The following ARHGEF3 variants were observed in gnomAD, a reference collection of about 807,000 sequenced individuals.
The protein encoded by ARHGEF3 is 59.8 kDA protein.
A neutral mutation model predicts 63.2 loss-of-function variants in ARHGEF3; 28 were observed. The ratio of observed to expected loss-of-function variants is 0.44; its 90% confidence interval spans 0.33 to 0.61. The LOEUF (loss-of-function observed/expected upper bound fraction) is 0.61, where lower values mean the gene tolerates loss of function less well. Among genes scored for constraint, ARHGEF3 ranks in the 20% least tolerant of loss-of-function variants. ARHGEF3 has a pLI of 0.03. For synonymous variants in ARHGEF3, 266 were observed against 254.2 expected (o/e 1.05, Z -0.44); for missense variants, 533 against 659.3 (o/e 0.81, Z 2.10).
At chr3:56,794,285 C>G (rs75103024) in intron 1 of ARHGEF3, among the ~76,000 whole-genome samples, 1 of 151,834 alleles carries the variant, frequency 6.6e-6, no homozygotes, top group Non-Finnish European at 1.5e-5. Flanking sequence ...GTCAGGAGTT[C>G]GAGACCAGCC....
At chr3:56,977,149 T>C (rs2106881367) in intron 2 of ARHGEF3, 1 of 434,424 alleles carries the variant, frequency 2.3e-6, no homozygotes, top group South Asian at 1.7e-5. Context: ...GGCCAGACAG[T>C]CCAATTCCAG....
chr3:57,042,435 G>A (rs1704224483), intron 1 of ARHGEF3, among the ~76,000 whole-genome samples: 1 of 151,714 alleles, frequency 6.6e-6, no homozygotes, highest in Non-Finnish European at 1.5e-5. Flanking sequence ...GCTATATGAA[G>A]CAGTGGTGGA....
chr3:56,788,326 A>G (rs2036923812), intron 1 of ARHGEF3, among the ~76,000 whole-genome samples: 1 of 152,182 alleles, frequency 6.6e-6, no homozygotes, highest in African/African-American at 2.4e-5. Context: ...CGTGGTTGAC[A>G]GTCACTACCC....
rs183945853 is a variant in ARHGEF3 at position 57,071,279 on chromosome 3, C to T, written c.-28+7947G>A. Among the ~76,000 whole-genome samples the T allele has an allele frequency of 3.1e-3, 467 of 152,242 alleles. 1 individual carries two copies. Among genetic ancestry groups the T allele is most frequent in the Non-Finnish European group, 4.6e-3 (310 of 68,020 alleles). ...TCCATATGCAAAAAATGAAGCTAGA[C>T]CCCTACCTCACACCACATACAAACA... On this transcript the variant is annotated intron_variant, in intron 1 of 12. Coordinates refer to the ARHGEF3 transcript ENST00000338458.
At chr3:56,891,137 A>G (rs1446077617) in intron 3 of ARHGEF3, among the ~76,000 whole-genome samples, 1 of 151,684 alleles carries the variant, frequency 6.6e-6, no homozygotes, top group Non-Finnish European at 1.5e-5. Flanking sequence ...CCAGAAGTGA[A>G]TGAGAGAATT....
chr3:56,894,618 T>C (rs1413155761), intron 3 of ARHGEF3, among the ~76,000 whole-genome samples: 2 of 152,076 alleles, frequency 1.3e-5, no homozygotes, highest in African/African-American at 2.4e-5. Flanking sequence ...GGCAAGACCC[T>C]ATCTCTTTCT....
intron 3 of ARHGEF3, among the ~76,000 whole-genome samples, chr3:56,922,592 G>T (rs2042172897): frequency 1.3e-5 from 2 of 152,142 alleles, no homozygotes; most frequent in Non-Finnish European, 2.9e-5. Flanking sequence ...GAATTTCCAA[G>T]TTAAAAATAT....
intron 3 of ARHGEF3, among the ~76,000 whole-genome samples, chr3:56,901,965 A>G (rs542650951): frequency 2.6e-4 from 40 of 152,274 alleles, no homozygotes; most frequent in Admixed American, 2.6e-4. Flanking sequence ...ATTTTCTCCA[A>G]AAGGCACATC....
intron 2 of ARHGEF3, among the ~76,000 whole-genome samples, chr3:56,967,950 T>TTA: frequency 1.8e-5 from 1 of 54,552 alleles, no homozygotes; most frequent in Non-Finnish European, 3.1e-5. Context: ...TATTATATAT[T>TTA]ATATATATAA....
chr3:56,995,668 A>AGAGAGAGAGAGAGAGG (rs1560116656), intron 2 of ARHGEF3, among the ~76,000 whole-genome samples: 10 of 133,080 alleles, frequency 7.5e-5, no homozygotes, highest in Non-Finnish European at 1.3e-4. Flanking sequence ...AGAGAGAGAG[A>AGAGAGAGAGAGAGAGG]GAGAATTTTT....
At chr3:56,774,928 A>AC (rs34038168) in intron 1 of ARHGEF3, 546,038 of 1,210,490 alleles carry the variant, frequency 0.45, 128,183 homozygotes, top group East Asian at 0.63. Context: ...AACAACAACA[A>AC]AAAAAAAACA....
At chr3:57,049,342 CT>C (rs952569040) in intron 1 of ARHGEF3, among the ~76,000 whole-genome samples, 3 of 152,122 alleles carry the variant, frequency 2.0e-5, no homozygotes, top group Non-Finnish European at 2.9e-5. Context: ...GCACTCCAGC[CT>C]GGGCGACAGA....
chr3:56,859,257 C>T (rs1400971465), intron 4 of ARHGEF3, among the ~76,000 whole-genome samples: 1 of 152,026 alleles, frequency 6.6e-6, no homozygotes, highest in Non-Finnish European at 1.5e-5. Flanking sequence ...CCTGCCTCAG[C>T]CTCCCGAGTA....
intron 2 of ARHGEF3, among the ~76,000 whole-genome samples, chr3:56,995,377 T>C (rs1195781679): frequency 1.3e-5 from 2 of 152,062 alleles, no homozygotes; most frequent in Non-Finnish European, 1.5e-5. Context: ...AAGAGTAATG[T>C]GAAATGCTAA....
intron 2 of ARHGEF3, among the ~76,000 whole-genome samples, chr3:57,003,936 G>C (rs1175045257): frequency 1.3e-5 from 2 of 152,228 alleles, no homozygotes; most frequent in African/African-American, 4.8e-5. Flanking sequence ...CTGATCTCCA[G>C]AACTGTAAAA....
At chr3:56,824,284 T>C (rs1037157842) in intron 4 of ARHGEF3, among the ~76,000 whole-genome samples, 9 of 152,174 alleles carry the variant, frequency 5.9e-5, no homozygotes, top group African/African-American at 9.7e-5. Flanking sequence ...GGAGATTTTG[T>C]TGTGGTGGTA....
At chr3:56,925,320 G>C (rs370204975) in intron 3 of ARHGEF3, among the ~76,000 whole-genome samples, 1 of 152,182 alleles carries the variant, frequency 6.6e-6, no homozygotes, top group Non-Finnish European at 1.5e-5. Flanking sequence ...CTGTTTCCCT[G>C]GTCCTTCCGA....
intron 3 of ARHGEF3, chr3:56,941,016 C>T (rs563410588): frequency 6.6e-6 from 1 of 152,368 alleles, no homozygotes; most frequent in African/African-American, 2.4e-5. Context: ...CAAACTCAGA[C>T]TCTGGGCTGA....
chr3:56,885,351 G>A (rs536940205), intron 3 of ARHGEF3, among the ~76,000 whole-genome samples: 1 of 152,260 alleles, frequency 6.6e-6, no homozygotes, highest in East Asian at 1.9e-4. Flanking sequence ...GATGTTGGGC[G>A]ACAAGACCTG....
Sources: allele counts gnomAD v4.1 joint callset (sites outside exome capture counted in the v4.1 genomes callset), GRCh38; gene constraint gnomAD v4.1.1; transcripts MANE v1.5; gene names NCBI Gene and HGNC (gene_info 2026-07-23, HGNC 2026-07-21).